KRT78: variants seen among roughly 807,000 people sequenced by gnomAD.
The protein encoded by KRT78 is keratin 78, also known as keratin, type II cytoskeletal 78.
Under a neutral mutation model 51.4 loss-of-function variants are expected in KRT78, and 55 were observed. The observed-to-expected ratio is 1.07, with a 90% confidence interval of 0.86 to 1.34. KRT78 has a LOEUF of 1.34. KRT78 is among the 40% of genes most tolerant of loss of function. KRT78 has a pLI of 0.00. For synonymous variants in KRT78, 291 were observed against 264.3 expected, an observed-to-expected ratio of 1.10 and a Z score of -0.98; for missense variants, 652 against 649.4, an observed-to-expected ratio of 1.00 and a Z score of -0.04.
At position 52,839,305 on chromosome 12, in the gene KRT78, G is replaced by A. The variant is rs59439901; in HGVS notation, c.1371C>T (p.Leu457=). ...ACCCAGGGCTGCCTTTCCCACTACC[G>A]AGTCCACAAGTGCTCCCCAAGCCTC... is the stretch of plus-strand genomic sequence containing the variant. ...VGGGLGSTCG[L]GSGKGSPGSC... The change falls in exon 9 of 9, where the codon CTC becomes CTT. Residue 457 remains leucine, a synonymous_variant. Coordinates refer to ENST00000304620, the MANE Select transcript of KRT78 (RefSeq NM_173352.4). 0.04 allele frequency: 64,114 copies of A among 1,613,374 alleles called. 1,421 individuals carry two copies. Among genetic ancestry groups the A allele is most frequent in the African/African-American group, 0.054 (4,026 of 74,914 alleles).
chr12:52,844,835 C>T, intron 4 of KRT78, 112 bp from the exon 5 acceptor site: 1 of 1,048,876 alleles, frequency 9.5e-7, no homozygotes, highest in Non-Finnish European at 1.4e-6. Context: ...GACCCCCATT[C>T]ATCCCAGGTG....
chr12:52,839,484 C>T lies in KRT78; in HGVS notation c.1272G>A (p.Met424Ile), dbSNP rs375729986. The T allele has an allele frequency of 4.7e-4, 747 of 1,595,706 alleles. 20 individuals are homozygous for T. The South Asian group carries it at 8.1e-3, about 17-fold the overall frequency. ...RRLLEGEECR[M>I]SGECTSQVTI... is the part of the protein sequence containing the mutation. ...TGACCTGGCTGGTGCACTCCCCAGACATCCTAGGGGGAAAAGGACAAGAGG... is the reference window on the plus strand; with the variant it reads ...TGACCTGGCTGGTGCACTCCCCAGATATCCTAGGGGGAAAAGGACAAGAGG... Residue 424 changes from methionine (M) to isoleucine (I), a missense_variant, in exon 8 of 9, where the codon ATG (methionine) becomes ATA (isoleucine). Coordinates refer to ENST00000304620, the MANE Select transcript of KRT78 (RefSeq NM_173352.4).
Position 52,847,976 on chromosome 12 carries a change from T to C in KRT78, c.530A>G (p.Gln177Arg). ...DQLRKQLEQL[Q>R]GERGALDAEL... ...AGCATCCAGAGCCCCTCGTTCTCCC[T>C]GGAGCTGCTCCAGCTGCTTCCTGAG... The change falls in exon 2 of 9, where the codon CAG becomes CGG. Residue 177 changes from glutamine to arginine, a missense_variant. By Grantham distance (43) the Gln-to-Arg change is conservative. Coordinates refer to ENST00000304620, the MANE Select transcript of KRT78 (RefSeq NM_173352.4). The C allele has an allele frequency of 2.5e-6, 4 of 1,614,208 alleles. No homozygotes were observed. The South Asian group carries it at 4.4e-5, about 18-fold the overall frequency.
intron 2 of KRT78, among the ~76,000 whole-genome samples, chr12:52,847,056 C>T (rs1246865773): frequency 2.0e-5 from 3 of 152,184 alleles, no homozygotes; most frequent in East Asian, 3.8e-4. Context: ...TTATAAGGCA[C>T]ATTCGAATAC....
At chr12:52,845,436 C>T (rs945338555) in intron 4 of KRT78, among the ~76,000 whole-genome samples, 1 of 152,196 alleles carries the variant, frequency 6.6e-6, no homozygotes, top group Non-Finnish European at 1.5e-5. Flanking sequence ...CCCAGAAACC[C>T]ACCTGCGTGG....
At chr12:52,848,398 G>A in intron 1 of KRT78, 149 bp downstream of exon 1, 1 of 1,388,828 alleles carries the variant, frequency 7.2e-7, no homozygotes, top group Admixed American at 2.3e-5. Context: ...GCCAGAGAGA[G>A]TCCAGTTAGT....
chr12:52,844,177 C>A lies in KRT78; in HGVS notation c.963G>T (p.Arg321Ser), dbSNP rs747348632. Reference sequence around the variant, plus strand: ...AGATCTGGACTTTCGTTTCCTGCATCCTGTCCCCATGAAGCTGGGCAGACA... The same window carrying A: ...AGATCTGGACTTTCGTTTCCTGCATACTGTCCCCATGAAGCTGGGCAGACA... ...LQVSAQLHGDRMQETKVQISQ... is the reference protein window; with the variant it reads ...LQVSAQLHGDSMQETKVQISQ... The change falls in exon 6 of 9, where the codon AGG (arginine) becomes AGT (serine). Residue 321 changes from arginine (R) to serine (S), a missense_variant. Physicochemically the swap from Arg to Ser is moderately radical, Grantham distance 110. Coordinates refer to ENST00000304620, the MANE Select transcript of KRT78 (RefSeq NM_173352.4). 6.2e-7 allele frequency: 1 copy of A among 1,611,206 alleles called. No individual in the cohort carries two copies. Among genetic ancestry groups the A allele is most frequent in the Non-Finnish European group, 8.5e-7 (1 of 1,179,274 alleles).
In KRT78 at chr12:52,848,971, G is replaced by A; in HGVS notation, c.-41C>T. 1 of 1,507,704 alleles carries A rather than the reference G, an allele frequency of 6.6e-7. No individual in the cohort carries two copies. The highest frequency in any genetic ancestry group is 2.2e-5 in the Admixed American group (1 of 46,230). The allele number at this position is 1,507,704 out of a possible 1,614,324, so 93.4% of individuals were successfully genotyped here. A position where few individuals can be genotyped will look rare whatever the true frequency, so the allele number is the denominator to read the frequency against. On this transcript the variant is annotated 5_prime_UTR_variant, in exon 1 of 9. Transcript: ENST00000304620. ...TCACGCAGCTGCAGACGGACAGACA[G>A]ATTGTCAAGGTGTGTGAGTTTCTGC...
At chr12:52,840,128 C>T in intron 6 of KRT78, 144 bp from the exon 7 acceptor site, 2 of 620,424 alleles carry the variant, frequency 3.2e-6, no homozygotes, top group Non-Finnish European at 2.8e-6. Flanking sequence ...TGTACCAACA[C>T]CACCCCTGCA....
chr12:52,846,373 C>T, intron 3 of KRT78, 81 bp from the exon 4 acceptor site: 1 of 844,462 alleles, frequency 1.2e-6, no homozygotes, highest in Non-Finnish European at 2.1e-6. Context: ...TCTGTTCATG[C>T]ACTGCTCAAC....
intron 6 of KRT78, among the ~76,000 whole-genome samples, chr12:52,840,304 A>G (rs900327990): frequency 6.6e-6 from 1 of 152,122 alleles, no homozygotes; most frequent in Non-Finnish European, 1.5e-5. Flanking sequence ...GGATCTCATG[A>G]TCATATCGTA....
At position 52,839,368 on chromosome 12, in the gene KRT78, C is replaced by A; in HGVS notation, c.1308G>T (p.Ser436=). 6.2e-7 allele frequency: 1 copy of A among 1,613,736 alleles called. No individual in the cohort carries two copies. The highest frequency in any genetic ancestry group is 8.5e-7 in the Non-Finnish European group (1 of 1,179,824). ...GECTSQVTIS[S]VGGSAVMSGG... is the part of the protein sequence containing the mutation. The stretch of plus-strand genomic sequence containing the variant: ...CAGACATGACAGCGCTGCCTCCCAC[C>A]GAGGCTGCCAAGAAACGCACCGGGT... The change falls in exon 9 of 9, where the codon TCG becomes TCT. Residue 436 remains serine, a synonymous_variant. Coordinates refer to ENST00000304620, the MANE Select transcript of KRT78 (RefSeq NM_173352.4).
Position 52,848,262 on chromosome 12 carries a change from G to A in KRT78, c.385-141C>T. 3.2e-6 allele frequency: 5 copies of A among 1,540,198 alleles called. No homozygotes were observed. The South Asian group carries it at 5.9e-5, about 18-fold the overall frequency. On this transcript the variant is annotated intron_variant, in intron 1 of 8. Transcript: ENST00000304620. ...CCAACCTGGGCAGGGGAAGCCTCAT[G>A]ACCTTCCATGACACTCTGAACACAA...
chr12:52,848,765 A>T lies in KRT78; in HGVS notation c.166T>A (p.Trp56Arg). The T allele has an allele frequency of 8.7e-7, 1 of 1,146,804 alleles. No individual in the cohort carries two copies. Among genetic ancestry groups the T allele is most frequent in the Non-Finnish European group, 1.1e-6 (1 of 875,498 alleles). The allele number at this position is 1,146,804 out of a possible 1,614,324, so 71.0% of individuals were successfully genotyped here. ...ACCCCCAGCCTACCCCCTGACCCCC[A>T]GGTACTCCCACGAGAGCCTTCCAGG... Reference protein sequence around the residue: ...GCLEGSRGSTWGSGGRLGVRF... With the variant: ...GCLEGSRGSTRGSGGRLGVRF... The change falls in exon 1 of 9, where the codon TGG (tryptophan) becomes AGG (arginine). Residue 56 changes from tryptophan to arginine, a missense_variant. By Grantham distance (101) the Trp-to-Arg change is moderately radical. Transcript: ENST00000304620.
chr12:52,845,611 A>G (rs1940621307), intron 4 of KRT78, among the ~76,000 whole-genome samples: 1 of 152,070 alleles, frequency 6.6e-6, no homozygotes, highest in Non-Finnish European at 1.5e-5. Context: ...CTTCCATACT[A>G]TATGATTTCC....
intron 2 of KRT78, 63 bp from the exon 3 acceptor site, chr12:52,846,887 T>C: frequency 7.8e-7 from 1 of 1,280,134 alleles, no homozygotes; most frequent in Non-Finnish European, 1.1e-6. Context: ...TGCCCCCATG[T>C]CCGAGCATGA....
chr12:52,847,433 C>T lies in KRT78; in HGVS notation c.599+474G>A, dbSNP rs565427572. ...TCTCCACTCCACCAGGTGACCTAGG[C>T]GTGGAGCCCAGAACCACAGCCCATC... On this transcript the variant is annotated intron_variant, in intron 2 of 8. Transcript: ENST00000304620. Among the ~76,000 whole-genome samples the T allele has an allele frequency of 6.6e-5, 10 of 152,336 alleles. No homozygotes were observed. In the South Asian group the frequency reaches 8.3e-4, roughly 13 times the overall value.
chr12:52,846,121 T>A (rs1940636065), intron 4 of KRT78, 76 bp downstream of exon 4: 1 of 983,716 alleles, frequency 1.0e-6, no homozygotes, highest in Admixed American at 1.9e-5. Flanking sequence ...TCTTGGCCAT[T>A]CTCCTCATGG....
chr12:52,843,705 A>G (rs1261187838), intron 6 of KRT78, among the ~76,000 whole-genome samples: 5 of 150,172 alleles, frequency 3.3e-5, no homozygotes, highest in Admixed American at 3.3e-4. Context: ...AAAAAAAAAA[A>G]GAAAAAGAAA....
Sources: allele counts gnomAD v4.1 joint callset (sites outside exome capture counted in the v4.1 genomes callset), GRCh38; gene constraint gnomAD v4.1.1; transcripts MANE v1.5; gene names NCBI Gene and HGNC (gene_info 2026-07-23, HGNC 2026-07-21).